NAALADL2: variants seen among roughly 807,000 people sequenced by gnomAD.
NAALADL2 encodes the protein N-acetylated alpha-linked acidic dipeptidase like 2, also known as inactive N-acetylated-alpha-linked acidic dipeptidase-like protein 2.
Under a neutral mutation model 87.2 loss-of-function variants are expected in NAALADL2, and 76 were observed. That is an observed-to-expected ratio of 0.87 (90% CI 0.72 to 1.05). The LOEUF is 1.05. NAALADL2 is among the 50% of genes least tolerant of loss of function. The pLI, the probability that NAALADL2 is intolerant of heterozygous loss-of-function variation, is 0.00. For synonymous variants in NAALADL2, 354 were observed against 331.0 expected (o/e 1.07, Z -0.75); for missense variants, 1,089 against 945.8 (o/e 1.15, Z -1.99).
intron 5 of NAALADL2, among the ~76,000 whole-genome samples, chr3:175,342,505 C>CGTGTGTGTGTGTGTGTGTGTGTGTGTGT (rs35444340): frequency 1.4e-5 from 2 of 146,620 alleles, no homozygotes; most frequent in African/African-American, 5.0e-5. Flanking sequence ...CCAAATATTG[C>CGTGTGTGTGTGTGTGTGTGTGTGTGTGT]GTGTGTGTGT....
At chr3:174,772,483 T>C (rs1048751119) in intron 3 of NAALADL2, among the ~76,000 whole-genome samples, 1 of 152,280 alleles carries the variant, frequency 6.6e-6, no homozygotes, top group East Asian at 1.9e-4. Flanking sequence ...ATTTGAAAAG[T>C]GTAGTGCTCT....
intron 6 of NAALADL2, among the ~76,000 whole-genome samples, chr3:175,456,337 G>A (rs1017972783): frequency 6.6e-6 from 1 of 152,032 alleles, no homozygotes; most frequent in South Asian, 2.1e-4. Context: ...TGTTCTCTGA[G>A]TGGAACACAT....
intron 5 of NAALADL2, among the ~76,000 whole-genome samples, chr3:175,345,235 C>G (rs1013513290): frequency 1.6e-5 from 1 of 64,364 alleles, no homozygotes; most frequent in African/African-American, 6.5e-5. Flanking sequence ...AATTGAGTAA[C>G]CTTCCTAAGG....
intron 3 of NAALADL2, among the ~76,000 whole-genome samples, chr3:174,850,627 A>T (rs1337930888): frequency 1.3e-5 from 2 of 152,156 alleles, no homozygotes; most frequent in African/African-American, 4.8e-5. Context: ...TAAAGCAAAC[A>T]TTATTGGAAC....
chr3:175,077,290 T>A (rs1332248806), intron 1 of NAALADL2, among the ~76,000 whole-genome samples: 2 of 152,216 alleles, frequency 1.3e-5, no homozygotes, highest in African/African-American at 4.8e-5. Flanking sequence ...TTTGGCTGTT[T>A]CTACATCAAA....
Position 174,808,853 on chromosome 3 carries a change from G to T in NAALADL2, c.-9+71107G>T, listed in dbSNP as rs562004762. On this transcript the variant is annotated intron_variant, in intron 3 of 3. Transcript: ENST00000434257. ...ATGCATGTGTGTGTTGGTGGTGCCT[G>T]GTGTATGTGTATGTGTATGTGTATG... Among the ~76,000 whole-genome samples the T allele has an allele frequency of 1.1e-4, 16 of 151,410 alleles. No individual in the cohort carries two copies. The South Asian group carries it at 3.1e-3, about 30-fold the overall frequency.
chr3:175,685,412 G>C (rs1447281921), intron 11 of NAALADL2, among the ~76,000 whole-genome samples: 1 of 151,792 alleles, frequency 6.6e-6, no homozygotes, highest in African/African-American at 2.4e-5. Context: ...GAGACACATG[G>C]TGTCTTAGTG....
intron 1 of NAALADL2, among the ~76,000 whole-genome samples, chr3:175,034,740 T>C (rs762478651): frequency 8.5e-5 from 13 of 152,152 alleles, no homozygotes; most frequent in Non-Finnish European, 1.6e-4. Context: ...TTTTAAAACT[T>C]TCCGTGCCTG....
chr3:174,775,103 GTA>G (rs901875535), intron 3 of NAALADL2, among the ~76,000 whole-genome samples: 1 of 151,972 alleles, frequency 6.6e-6, no homozygotes, highest in South Asian at 2.1e-4. Context: ...TGCTTTACTA[GTA>G]TATATATACA....
chr3:175,518,679 C>G (rs1254334317), intron 9 of NAALADL2, among the ~76,000 whole-genome samples: 3 of 152,152 alleles, frequency 2.0e-5, no homozygotes, highest in Non-Finnish European at 4.4e-5. Context: ...CTCACTTCCT[C>G]TTTTTATAAA....
chr3:175,308,824 A>G (rs1181036001), intron 4 of NAALADL2, among the ~76,000 whole-genome samples: 1 of 152,206 alleles, frequency 6.6e-6, no homozygotes, highest in Non-Finnish European at 1.5e-5. Flanking sequence ...CAGACAAGTG[A>G]CATGCACTCT....
chr3:174,752,272 G>A (rs542169992), intron 3 of NAALADL2, among the ~76,000 whole-genome samples: 19 of 152,172 alleles, frequency 1.2e-4, no homozygotes, highest in African/African-American at 3.9e-4. Context: ...CACCGCGCCC[G>A]GCCCAGATCT....
At chr3:175,221,067 C>T (rs1242399593) in intron 2 of NAALADL2, among the ~76,000 whole-genome samples, 3 of 151,796 alleles carry the variant, frequency 2.0e-5, no homozygotes, top group Admixed American at 2.0e-4. Flanking sequence ...GCCATGATGG[C>T]GAGTGCCTGT....
chr3:175,588,525 C>CTTTCT (rs1273469452), intron 10 of NAALADL2, among the ~76,000 whole-genome samples: 2 of 108,336 alleles, frequency 1.8e-5, no homozygotes, highest in African/African-American at 7.0e-5. Flanking sequence ...GACTTTCTTT[C>CTTTCT]TTTCTTTTCT....
intron 3 of NAALADL2, among the ~76,000 whole-genome samples, chr3:174,800,186 C>G (rs181485039): frequency 6.6e-6 from 1 of 152,020 alleles, no homozygotes; most frequent in African/African-American, 2.4e-5. Context: ...GCATAAGTAA[C>G]GAGGAGCTGA....
chr3:175,584,857 T>A (rs1221163347), intron 10 of NAALADL2, among the ~76,000 whole-genome samples: 6 of 152,190 alleles, frequency 3.9e-5, no homozygotes, highest in Non-Finnish European at 8.8e-5. Context: ...TTTCTCTGGG[T>A]GAATGAGTAA....
chr3:175,260,918 C>A (rs935336363), intron 4 of NAALADL2, among the ~76,000 whole-genome samples: 1 of 152,110 alleles, frequency 6.6e-6, no homozygotes, highest in Non-Finnish European at 1.5e-5. Flanking sequence ...GTAATTTAAT[C>A]TCTAGGAAGA....
intron 1 of NAALADL2, among the ~76,000 whole-genome samples, chr3:174,971,471 A>G (rs923829534): frequency 2.0e-5 from 3 of 152,114 alleles, no homozygotes; most frequent in Admixed American, 6.5e-5. Context: ...TGAAAACACT[A>G]CCTAAATTAG....
intron 1 of NAALADL2, chr3:174,523,309 T>C (rs1456026129): frequency 6.6e-6 from 1 of 152,178 alleles, no homozygotes; most frequent in Non-Finnish European, 1.5e-5. Context: ...CCATTAGAAC[T>C]AAAGTAGACT....
Sources: allele counts gnomAD v4.1 joint callset (sites outside exome capture counted in the v4.1 genomes callset), GRCh38; gene constraint gnomAD v4.1.1; transcripts MANE v1.5; gene names NCBI Gene and HGNC (gene_info 2026-07-23, HGNC 2026-07-21).